The following G3BP2 variants were observed in gnomAD, a reference collection of about 807,000 sequenced individuals.
The protein encoded by G3BP2 is G3BP stress granule assembly factor 2.
In G3BP2, 11 loss-of-function variants were observed where a neutral mutation model predicts 56.7. That is an observed-to-expected ratio of 0.19 (90% CI 0.12 to 0.32). The LOEUF is 0.32. Ranked by LOEUF, G3BP2 falls within the 10% of genes least tolerant of loss-of-function variation. G3BP2 has a pLI of 1.00. For synonymous variants in G3BP2, 165 were observed against 191.6 expected (o/e 0.86, Z 1.15); for missense variants, 340 against 610.9 (o/e 0.56, Z 4.67).
chr4:75,672,343 A>T (rs1733551232), intron 1 of G3BP2, among the ~76,000 whole-genome samples: 1 of 152,164 alleles, frequency 6.6e-6, no homozygotes, highest in Admixed American at 6.5e-5. Flanking sequence ...ACGCAGGAAA[A>T]ATTCTATCAG....
At chr4:75,686,491 A>G (rs1034116259) in intron 3 of G3BP2, among the ~76,000 whole-genome samples, 10 of 149,042 alleles carry the variant, frequency 6.7e-5, no homozygotes, top group Admixed American at 6.1e-4. Context: ...TGTAAGAATG[A>G]GCCAGCGAAG....
intron 8 of G3BP2, among the ~76,000 whole-genome samples, chr4:75,651,800 A>G (rs1731715975): frequency 6.6e-6 from 1 of 152,252 alleles, no homozygotes; most frequent in Non-Finnish European, 1.5e-5. Flanking sequence ...AGTCAATAAA[A>G]GCAGGTATAA....
upstream of G3BP2, among the ~76,000 whole-genome samples, chr4:75,677,596 G>A (rs1423308617): frequency 6.6e-6 from 1 of 151,558 alleles, no homozygotes; most frequent in Non-Finnish European, 1.5e-5. Context: ...AAAAAAAAAA[G>A]AGATGACTAC....
intron 1 of G3BP2, among the ~76,000 whole-genome samples, chr4:75,665,652 AACAAACACACAC>A (rs1560623870): frequency 3.2e-3 from 193 of 61,198 alleles, no homozygotes; most frequent in African/African-American, 6.2e-3. Flanking sequence ...CAAACACACA[AACAAACACACAC>A]ACACACACAC....
intron 3 of G3BP2, among the ~76,000 whole-genome samples, chr4:75,685,120 T>C (rs938407114): frequency 1.3e-5 from 2 of 151,990 alleles, no homozygotes; most frequent in African/African-American, 4.8e-5. Context: ...CCCTGTACAT[T>C]TCTTTGCAAC....
At chr4:75,674,718 A>ATT (rs71203842), upstream of G3BP2, among the ~76,000 whole-genome samples, 87 of 71,416 alleles carry the variant, frequency 1.2e-3, 1 homozygote, top group Non-Finnish European at 1.8e-3. Context: ...ATATATATAT[A>ATT]TTTTTTTTTT....
At chr4:75,691,997 A>C (rs1028147999) in intron 3 of G3BP2, among the ~76,000 whole-genome samples, 2 of 152,200 alleles carry the variant, frequency 1.3e-5, no homozygotes, top group African/African-American at 4.8e-5. Flanking sequence ...GTGATGTGTA[A>C]AACTATTTAA....
Position 75,645,401 on chromosome 4 carries a change from A to G in G3BP2, c.*29T>C. 1 of 1,593,306 alleles carries G rather than the reference A, an allele frequency of 6.3e-7. No individual in the cohort carries two copies. Among genetic ancestry groups the G allele is most frequent in the Non-Finnish European group, 8.6e-7 (1 of 1,169,008 alleles). On this transcript the variant is annotated 3_prime_UTR_variant, in exon 12 of 12. Coordinates refer to ENST00000359707, the MANE Select transcript of G3BP2 (RefSeq NM_203505.3). ...ATGCAAACACGATGAATAATGTACC[A>G]CTGCCAAGACTTTGCCAACAGTGGA...
In G3BP2 at chr4:75,673,043, C is replaced by T; in HGVS notation, c.-25+165G>A. 3.0e-6 allele frequency: 3 copies of T among 995,034 alleles called. 1 individual carries two copies. The South Asian group carries it at 1.4e-4, about 47-fold the overall frequency. 61.6% of individuals were successfully genotyped at this position (995,034 alleles called of 1,614,324 possible). The stretch of plus-strand genomic sequence containing the variant: ...CCTAGAGGAAAGACTGGTCTTCTCT[C>T]ACGCACACACGGCACCGTAGGGAGC... On this transcript the variant is annotated intron_variant, in intron 1 of 11. Coordinates refer to ENST00000359707, the MANE Select transcript of G3BP2 (RefSeq NM_203505.3).
chr4:75,686,128 A>C (rs1718589770), intron 3 of G3BP2, among the ~76,000 whole-genome samples: 1 of 152,198 alleles, frequency 6.6e-6, no homozygotes, highest in Non-Finnish European at 1.5e-5. Context: ...TCTTTATTTA[A>C]ATTGTTTGTT....
chr4:75,689,164 A>G (rs13110124), intron 3 of G3BP2, among the ~76,000 whole-genome samples: 1 of 152,222 alleles, frequency 6.6e-6, no homozygotes, highest in Non-Finnish European at 1.5e-5. Context: ...ATCACTTGAG[A>G]CCAGGAGTTC....
intron 2 of G3BP2, among the ~76,000 whole-genome samples, chr4:75,660,458 G>A (rs948258247): frequency 5.9e-5 from 9 of 152,098 alleles, no homozygotes; most frequent in African/African-American, 2.2e-4. Context: ...TGGTTAGCTT[G>A]TTTACTTACT....
chr4:75,694,969 G>C (rs1719042902), intron 3 of G3BP2: 9 of 983,286 alleles, frequency 9.2e-6, no homozygotes, highest in Non-Finnish European at 9.7e-6. Context: ...TGTGAGAAGA[G>C]GTAATCGTCA....
At position 75,664,223 on chromosome 4, in the gene G3BP2, T is replaced by TA. The variant is rs553638312; in HGVS notation, c.-24-2175dup. On this transcript the variant is annotated intron_variant, in intron 1 of 11. Coordinates refer to ENST00000359707, the MANE Select transcript of G3BP2 (RefSeq NM_203505.3). ...AAAGACCTATTAAACTTAAAAGTAC[T>TA]AAAAAAAAAAAATCATAATTCCTAA... 3.0e-3 allele frequency among the ~76,000 whole-genome samples: 437 copies of TA among 144,650 alleles called. 2 individuals carry two copies. The highest frequency in any genetic ancestry group is 3.5e-3 in the African/African-American group (139 of 39,698). The allele number at this position is 144,650 out of a possible 152,430, so 94.9% of individuals were successfully genotyped here. A position where few individuals can be genotyped will look rare whatever the true frequency, so the allele number is the denominator to read the frequency against.
chr4:75,668,266 C>T (rs749701014), intron 1 of G3BP2, among the ~76,000 whole-genome samples: 11 of 152,122 alleles, frequency 7.2e-5, no homozygotes, highest in Admixed American at 3.3e-4. Flanking sequence ...TTCAAAATAA[C>T]GTAAAAACCA....
At chr4:75,684,187 T>C (rs574997448) in intron 3 of G3BP2, among the ~76,000 whole-genome samples, 18 of 152,170 alleles carry the variant, frequency 1.2e-4, no homozygotes, top group South Asian at 4.1e-4. Context: ...GGGCGGATCA[T>C]GAGGTCAAGC....
chr4:75,686,564 C>A (rs1268438340), intron 3 of G3BP2, among the ~76,000 whole-genome samples: 3 of 1,336 alleles, frequency 2.2e-3, no homozygotes, highest in African/African-American at 9.8e-3. Flanking sequence ...GGGTGGGTGG[C>A]GGGGGGTGGG....
intron 8 of G3BP2, among the ~76,000 whole-genome samples, chr4:75,649,386 T>A (rs1364521514): frequency 6.6e-6 from 1 of 152,160 alleles, no homozygotes; most frequent in Non-Finnish European, 1.5e-5. Context: ...CTACTGTTCT[T>A]CCTTATGAGA....
Position 75,642,933 on chromosome 4 carries a change from T to C in G3BP2, c.*2497A>G, listed in dbSNP as rs950436248. 3.3e-5 allele frequency: 5 copies of C among 152,588 alleles called. No individual in the cohort carries two copies. Among genetic ancestry groups the C allele is most frequent in the South Asian group, 2.1e-4 (1 of 4,832 alleles). 9.5% of individuals were successfully genotyped at this position (152,588 alleles called of 1,614,324 possible). On this transcript the variant is annotated 3_prime_UTR_variant, in exon 12 of 12. Coordinates refer to ENST00000359707, the MANE Select transcript of G3BP2 (RefSeq NM_203505.3). ...TTACAGCAATAAAGATGGTAATCCA[T>C]TGTCTTCTATACCTACTAAAGCCAA... is the stretch of plus-strand genomic sequence containing the variant.
Sources: allele counts gnomAD v4.1 joint callset (sites outside exome capture counted in the v4.1 genomes callset), GRCh38; gene constraint gnomAD v4.1.1; transcripts MANE v1.5; gene names NCBI Gene and HGNC (gene_info 2026-07-23, HGNC 2026-07-21).